Variants in ANK2 observed in about 807,000 individuals in gnomAD.
The protein encoded by ANK2 is ankyrin-2.
Under a neutral mutation model 360.5 loss-of-function variants are expected in ANK2, and 83 were observed. The observed-to-expected ratio is 0.23, with a 90% CI of 0.19 to 0.28. ANK2 has a LOEUF of 0.28. Among genes scored for constraint, ANK2 ranks in the 10% least tolerant of loss-of-function variants. ANK2 has a pLI of 1.00. For synonymous variants in ANK2, 1,740 were observed against 1,759.5 expected, an observed-to-expected ratio of 0.99 and a Z score of 0.28; for missense variants, 4,201 against 4,795.7, an observed-to-expected ratio of 0.88 and a Z score of 3.66.
At chr4:113,270,921 C>A (rs1409919116) in intron 14 of ANK2, among the ~76,000 whole-genome samples, 2 of 152,118 alleles carry the variant, frequency 1.3e-5, no homozygotes, top group African/African-American at 4.8e-5. Flanking sequence ...GTTCCTGGGC[C>A]TCTGATTTAG....
At chr4:113,297,439 T>C (rs892281145) in intron 22 of ANK2, among the ~76,000 whole-genome samples, 1 of 152,054 alleles carries the variant, frequency 6.6e-6, no homozygotes, top group Non-Finnish European at 1.5e-5. Flanking sequence ...TAAAAAGAAA[T>C]GATAAATGTT....
At chr4:112,719,943 A>C in the ANK2 span, among the ~76,000 whole-genome samples, 2 of 152,122 alleles carry the variant, frequency 1.3e-5, no homozygotes, top group African/African-American at 4.8e-5. Context: ...AGAAGTTCTG[A>C]ATGGCTGGAG....
chr4:112,926,289 T>C (rs2092541125), intron 2 of ANK2, among the ~76,000 whole-genome samples: 1 of 152,204 alleles, frequency 6.6e-6, no homozygotes, highest in African/African-American at 2.4e-5. Context: ...ATGTTGTTCA[T>C]TCTCTGAAGA....
chr4:112,944,533 G>C (rs1397513825), intron 2 of ANK2, among the ~76,000 whole-genome samples: 1 of 152,130 alleles, frequency 6.6e-6, no homozygotes, highest in Non-Finnish European at 1.5e-5. Context: ...GAGTTTAGGA[G>C]CTTATTAACC....
intron 1 of ANK2, chr4:112,880,205 A>T (rs1298725912): frequency 2.0e-4 from 30 of 152,218 alleles, no homozygotes; most frequent in Admixed American, 2.0e-3. Context: ...AAAGGAATGA[A>T]CACATCTTTT....
At chr4:112,794,060 T>A in the ANK2 span, among the ~76,000 whole-genome samples, 1 of 152,162 alleles carries the variant, frequency 6.6e-6, no homozygotes, top group Non-Finnish European at 1.5e-5. Flanking sequence ...TTTATTTGGT[T>A]TATAGAGTAA....
chr4:113,164,251 T>G (rs1439846515), intron 1 of ANK2, among the ~76,000 whole-genome samples: 4 of 152,134 alleles, frequency 2.6e-5, no homozygotes, highest in Non-Finnish European at 5.9e-5. Context: ...GGAAAATCAA[T>G]CACATATGTA....
the ANK2 span, among the ~76,000 whole-genome samples, chr4:112,758,772 G>A: frequency 1.3e-5 from 2 of 152,200 alleles, no homozygotes; most frequent in African/African-American, 4.8e-5. Flanking sequence ...TAGTAACGAC[G>A]CCACGGATTT....
chr4:112,785,733 A>T, the ANK2 span, among the ~76,000 whole-genome samples: 1 of 151,608 alleles, frequency 6.6e-6, no homozygotes, highest in African/African-American at 2.4e-5. Flanking sequence ...AGTGGGCGCG[A>T]TCATAGCTCA....
intron 23 of ANK2, among the ~76,000 whole-genome samples, chr4:113,307,307 C>G (rs1011237151): frequency 1.3e-5 from 2 of 151,806 alleles, no homozygotes; most frequent in Non-Finnish European, 2.9e-5. Context: ...TTTTCCATGT[C>G]TCAGCAGGAA....
At chr4:113,105,249 A>T (rs1474049233) in intron 1 of ANK2, among the ~76,000 whole-genome samples, 1 of 152,170 alleles carries the variant, frequency 6.6e-6, no homozygotes, top group African/African-American at 2.4e-5. Flanking sequence ...CTGAACCGAG[A>T]TGCAAAAGTA....
chr4:113,048,348 C>T (rs1413384990), upstream of ANK2, among the ~76,000 whole-genome samples: 2 of 115,514 alleles, frequency 1.7e-5, no homozygotes, highest in Non-Finnish European at 3.3e-5. Flanking sequence ...CTGGAGTGCA[C>T]TGGGGGCAAT....
intron 2 of ANK2, among the ~76,000 whole-genome samples, chr4:112,950,069 A>T (rs2094833666): frequency 6.6e-6 from 1 of 152,160 alleles, no homozygotes; most frequent in African/African-American, 2.4e-5. Flanking sequence ...CCTTTTCTTC[A>T]CAATTTTTGT....
intron 1 of ANK2, among the ~76,000 whole-genome samples, chr4:112,832,961 G>C (rs1222892267): frequency 6.6e-6 from 1 of 152,206 alleles, no homozygotes; most frequent in Non-Finnish European, 1.5e-5. Context: ...CAGATAGTAG[G>C]TAGCATACTA....
At chr4:113,212,826 T>C (rs1201836134) in intron 4 of ANK2, among the ~76,000 whole-genome samples, 1 of 152,256 alleles carries the variant, frequency 6.6e-6, no homozygotes, top group African/African-American at 2.4e-5. Context: ...TCAGCACTAG[T>C]GCAGCCATGC....
chr4:113,049,545 A>T, upstream of ANK2: 1 of 1,178,366 alleles, frequency 8.5e-7, no homozygotes, highest in Non-Finnish European at 1.2e-6. Context: ...TTAACAATGC[A>T]GTCAGATAAA....
chr4:113,322,623 C>G (rs1335985409), intron 26 of ANK2, among the ~76,000 whole-genome samples: 1 of 152,124 alleles, frequency 6.6e-6, no homozygotes, highest in Non-Finnish European at 1.5e-5. Context: ...AATTAAATGT[C>G]AATTCATTAA....
chr4:113,274,686 G>A (rs114486108), intron 15 of ANK2, 37 bp downstream of exon 15: 2 of 1,606,700 alleles, frequency 1.2e-6, no homozygotes, highest in Admixed American at 1.7e-5. Context: ...TGGACCAAGA[G>A]GATTCCTAAG....
chr4:113,158,432 A>G (rs539201947), intron 1 of ANK2, among the ~76,000 whole-genome samples: 1 of 152,312 alleles, frequency 6.6e-6, no homozygotes, highest in South Asian at 2.1e-4. Context: ...GTTAATAGTT[A>G]TATCTATGAA....
Sources: allele counts gnomAD v4.1 joint callset (sites outside exome capture counted in the v4.1 genomes callset), GRCh38; gene constraint gnomAD v4.1.1; transcripts MANE v1.5; gene names NCBI Gene and HGNC (gene_info 2026-07-23, HGNC 2026-07-21).